The following CNN3 variants were observed in gnomAD, a reference collection of about 807,000 sequenced individuals.
CNN3 encodes the protein calponin 3.
A neutral mutation model predicts 39.0 loss-of-function variants in CNN3; 11 were observed. That is an observed-to-expected ratio of 0.28 (90% CI 0.18 to 0.47). The LOEUF (loss-of-function observed/expected upper bound fraction) is 0.47, where lower values mean the gene tolerates loss of function less well. Among genes scored for constraint, CNN3 ranks in the 20% least tolerant of loss-of-function variants. The pLI, the probability that CNN3 is intolerant of heterozygous loss-of-function variation, is 0.99. For synonymous variants in CNN3, 101 were observed against 138.3 expected, an observed-to-expected ratio of 0.73 and a Z score of 1.89; for missense variants, 266 against 403.4, an observed-to-expected ratio of 0.66 and a Z score of 2.92.
intron 1 of CNN3, among the ~76,000 whole-genome samples, chr1:94,921,697 T>TAG (rs1671452641): frequency 6.6e-6 from 1 of 152,150 alleles, no homozygotes; most frequent in Non-Finnish European, 1.5e-5. Context: ...AAGGACTGTC[T>TAG]AGAGACAGAA....
intron 1 of CNN3, among the ~76,000 whole-genome samples, chr1:94,914,436 A>G (rs2101733059): frequency 6.6e-6 from 1 of 152,260 alleles, no homozygotes; most frequent in African/African-American, 2.4e-5. Flanking sequence ...ACTTGTCTCA[A>G]CCAGCCTGGG....
At chr1:94,908,404 T>C (rs1571523949) in intron 1 of CNN3, among the ~76,000 whole-genome samples, 2 of 152,202 alleles carry the variant, frequency 1.3e-5, no homozygotes, top group East Asian at 3.9e-4. Flanking sequence ...CCCTTGGCTC[T>C]CTCCTCAGGA....
chr1:94,911,946 G>T (rs1671177618), intron 1 of CNN3, among the ~76,000 whole-genome samples: 1 of 152,092 alleles, frequency 6.6e-6, no homozygotes, highest in Non-Finnish European at 1.5e-5. Flanking sequence ...CACATCTGTA[G>T]CGCCTGTAAT....
chr1:94,907,838 C>G (rs1043894114), intron 1 of CNN3, among the ~76,000 whole-genome samples: 3 of 152,132 alleles, frequency 2.0e-5, no homozygotes, highest in Non-Finnish European at 4.4e-5. Flanking sequence ...GCAGCCTGGG[C>G]AACAGAGCAA....
intron 1 of CNN3, among the ~76,000 whole-genome samples, chr1:94,907,079 G>GT (rs1671019742): frequency 1.3e-5 from 2 of 152,180 alleles, no homozygotes; most frequent in South Asian, 4.1e-4. Context: ...ATGAGTGGTT[G>GT]TGGGGGGGAG....
At chr1:94,915,811 G>A (rs534243071) in intron 1 of CNN3, among the ~76,000 whole-genome samples, 4 of 152,224 alleles carry the variant, frequency 2.6e-5, no homozygotes, top group African/African-American at 7.2e-5. Flanking sequence ...CTTCCCCATC[G>A]GACATCAGTG....
chr1:94,914,782 G>A (rs1671241829), intron 1 of CNN3, among the ~76,000 whole-genome samples: 1 of 152,180 alleles, frequency 6.6e-6, no homozygotes, highest in Non-Finnish European at 1.5e-5. Flanking sequence ...GATGCTGATG[G>A]AATCTTACAG....
At chr1:94,910,767 C>T (rs1026130950) in intron 1 of CNN3, among the ~76,000 whole-genome samples, 3 of 152,284 alleles carry the variant, frequency 2.0e-5, no homozygotes, top group East Asian at 3.9e-4. Flanking sequence ...TGGAACCCAC[C>T]GCAATACCTG....
chr1:94,912,077 A>AT (rs1671181211), intron 1 of CNN3, among the ~76,000 whole-genome samples: 1 of 151,786 alleles, frequency 6.6e-6, no homozygotes, highest in South Asian at 2.1e-4. Context: ...AAAAAAAAAA[A>AT]TTTTATATAT....
intron 1 of CNN3, among the ~76,000 whole-genome samples, chr1:94,915,863 T>C (rs923492736): frequency 6.6e-6 from 1 of 152,122 alleles, no homozygotes; most frequent in Non-Finnish European, 1.5e-5. Context: ...ACACCCCTAT[T>C]TCAGATGAAA....
Position 94,901,792 on chromosome 1 carries a change from A to G in CNN3, c.385-7T>C, listed in dbSNP as rs1346457894. 1.3e-6 allele frequency: 2 copies of G among 1,582,072 alleles called. No homozygotes were observed. Among genetic ancestry groups the G allele is most frequent in the Non-Finnish European group, 1.7e-6 (2 of 1,151,526 alleles). On this transcript the variant is annotated splice_region_variant and splice_polypyrimidine_tract_variant and intron_variant, in intron 4 of 6. Coordinates refer to ENST00000370206, the MANE Select transcript of CNN3 (RefSeq NM_001839.5). ...GGAATCCTTTTGTTTTAGCCTAGAC[A>G]GAAACATGCACACTAACTGAAAAGG...
intron 3 of CNN3, 145 bp from the exon 4 acceptor site, chr1:94,902,403 G>GCT: frequency 3.1e-6 from 2 of 645,104 alleles, no homozygotes; most frequent in Admixed American, 2.8e-5. Flanking sequence ...ACTAAGCATG[G>GCT]CTCTCTCTGG....
Position 94,923,226 on chromosome 1 carries a change from G to T in CNN3, c.57+3612C>A, listed in dbSNP as rs958387378. ...TGAGTACCTGTTATGTTTTTTCATGGTTTACGAGGCACAGAGTTGTTTCAC... is the reference window on the plus strand; with the variant it reads ...TGAGTACCTGTTATGTTTTTTCATGTTTTACGAGGCACAGAGTTGTTTCAC... On this transcript the variant is annotated intron_variant, in intron 1 of 6. Coordinates refer to ENST00000370206, the MANE Select transcript of CNN3 (RefSeq NM_001839.5). Among the ~76,000 whole-genome samples the T allele has an allele frequency of 2.0e-4, 31 of 152,236 alleles. 1 individual carries two copies. The highest frequency in any genetic ancestry group is 7.5e-4 in the African/African-American group (31 of 41,540).
At chr1:94,916,072 T>G (rs1001183553) in intron 1 of CNN3, among the ~76,000 whole-genome samples, 1 of 152,146 alleles carries the variant, frequency 6.6e-6, no homozygotes, top group Non-Finnish European at 1.5e-5. Flanking sequence ...AATTTTTAAT[T>G]GAACCTGCTG....
chr1:94,914,406 C>T (rs770183814), intron 1 of CNN3, among the ~76,000 whole-genome samples: 8 of 152,186 alleles, frequency 5.3e-5, no homozygotes, highest in Non-Finnish European at 1.2e-4. Context: ...CCCAAAAGTT[C>T]GCTGTATTGT....
At chr1:94,918,714 T>TAA (rs1306419398) in intron 1 of CNN3, among the ~76,000 whole-genome samples, 2 of 151,592 alleles carry the variant, frequency 1.3e-5, no homozygotes, top group Admixed American at 1.3e-4. Flanking sequence ...GCCAACATGG[T>TAA]AAAACCCCAT....
intron 1 of CNN3, among the ~76,000 whole-genome samples, chr1:94,920,016 A>G (rs11165274): frequency 0.088 from 13,426 of 152,304 alleles, 623 homozygotes; most frequent in Middle Eastern, 0.11. Flanking sequence ...CACTTGAAGG[A>G]AAATATGTTA....
chr1:94,925,712 C>G (rs756234719), intron 1 of CNN3: 66 of 985,496 alleles, frequency 6.7e-5, no homozygotes, highest in Non-Finnish European at 8.0e-5. Context: ...GTGCCTTCCA[C>G]CAGCGGTCGG....
chr1:94,899,398 C>G lies in CNN3; in HGVS notation c.621G>C (p.Gln207His). ...GGCTGGCTCCTTTATTAGTGCCCAT[C>G]TGCAGACTAATTGTGGTCTGGTCAA... Reference protein sequence around the residue: ...KPFDQTTISLQMGTNKGASQA... With the variant: ...KPFDQTTISLHMGTNKGASQA... Residue 207 changes from glutamine to histidine, a missense_variant, in exon 6 of 7, where the codon CAG becomes CAC. By Grantham distance (24) the Gln-to-His change is conservative. Transcript: ENST00000370206. 6.2e-7 allele frequency: 1 copy of G among 1,614,028 alleles called. No individual in the cohort carries two copies. The highest frequency in any genetic ancestry group is 8.5e-7 in the Non-Finnish European group (1 of 1,179,938).
Sources: gnomAD v4.1 joint callset for allele counts (sites outside exome capture counted in the v4.1 genomes callset) on GRCh38, gnomAD v4.1.1 for gene constraint, MANE v1.5 for transcripts, NCBI Gene and HGNC (gene_info 2026-07-23, HGNC 2026-07-21) for gene names.